ACCSL: variants seen among roughly 807,000 people sequenced by gnomAD.
The protein encoded by ACCSL is 1-aminocyclopropane-1-carboxylate synthase homolog (inactive) like.
In ACCSL, 55 loss-of-function variants were observed where a neutral mutation model predicts 61.7. The ratio of observed to expected loss-of-function variants is 0.89; its 90% CI spans 0.72 to 1.12. The LOEUF (loss-of-function observed/expected upper bound fraction) is 1.12, where lower values mean the gene tolerates loss of function less well. ACCSL is among the 50% of genes most tolerant of loss of function. ACCSL has a pLI of 0.00. For missense variants in ACCSL, 632 were observed against 698.0 expected, an observed-to-expected ratio of 0.91 and a Z score of 1.07; for synonymous variants, 258 against 264.3, an observed-to-expected ratio of 0.98 and a Z score of 0.23.
chr11:43,942,031 CGTGCGTGTGTGTGTGTGTGTGT>C, the ACCSL span, among the ~76,000 whole-genome samples: 6 of 114,544 alleles, frequency 5.2e-5, no homozygotes, highest in South Asian at 3.0e-4. Context: ...TGTTTGCATT[CGTGCGTGTGTGTGTGTGTGTGT>C]GTGTGTGTGT....
the ACCSL span, among the ~76,000 whole-genome samples, chr11:43,968,608 G>C: frequency 6.6e-6 from 1 of 152,118 alleles, no homozygotes; most frequent in Non-Finnish European, 1.5e-5. Flanking sequence ...ACTTCAGCTT[G>C]AGATGTTTTA....
At chr11:43,955,988 G>GT in the ACCSL span, among the ~76,000 whole-genome samples, 172 of 150,856 alleles carry the variant, frequency 1.1e-3, 2 homozygotes, top group African/African-American at 3.8e-3. Flanking sequence ...ATTTAAAGGA[G>GT]TTTAATTGAG....
chr11:44,014,833 G>GA, the ACCSL span, among the ~76,000 whole-genome samples: 1 of 152,194 alleles, frequency 6.6e-6, no homozygotes, highest in Non-Finnish European at 1.5e-5. Context: ...CCTGGTGAGA[G>GA]AAAAAGGTAT....
the ACCSL span, among the ~76,000 whole-genome samples, chr11:44,041,462 T>C: frequency 6.6e-6 from 1 of 152,242 alleles, no homozygotes; most frequent in Non-Finnish European, 1.5e-5. Context: ...GTCCTTATAT[T>C]TGAACCTCTA....
At chr11:44,029,904 C>T in the ACCSL span, among the ~76,000 whole-genome samples, 1 of 150,772 alleles carries the variant, frequency 6.6e-6, no homozygotes, top group Non-Finnish European at 1.5e-5. Flanking sequence ...ACATGAGGTT[C>T]TTGGAAGTGA....
At chr11:43,926,548 G>A in the ACCSL span, 1 of 453,476 alleles carries the variant, frequency 2.2e-6, no homozygotes, top group Non-Finnish European at 4.4e-6. Context: ...GTCAGATGCG[G>A]TGAGGGATAC....
chr11:44,006,741 G>A, the ACCSL span, among the ~76,000 whole-genome samples: 1 of 152,040 alleles, frequency 6.6e-6, no homozygotes, highest in East Asian at 1.9e-4. Flanking sequence ...CTGACCTCAA[G>A]TGATCTGCCT....
At chr11:43,955,610 T>G in the ACCSL span, among the ~76,000 whole-genome samples, 18 of 151,888 alleles carry the variant, frequency 1.2e-4, no homozygotes, top group African/African-American at 4.1e-4. Flanking sequence ...ACAGGACTGG[T>G]GGGTGGGGTT....
At chr11:43,930,084 G>A in the ACCSL span, among the ~76,000 whole-genome samples, 29 of 152,300 alleles carry the variant, frequency 1.9e-4, no homozygotes, top group African/African-American at 6.7e-4. Context: ...TCCCGAGAGT[G>A]TCTGTCCCAG....
upstream of ACCSL, among the ~76,000 whole-genome samples, chr11:44,044,849 G>A (rs939619980): frequency 6.6e-6 from 1 of 152,066 alleles, no homozygotes; most frequent in South Asian, 2.1e-4. Context: ...GCATCTACTG[G>A]GCTGATCCTG....
At chr11:44,016,083 A>T in the ACCSL span, among the ~76,000 whole-genome samples, 5 of 152,048 alleles carry the variant, frequency 3.3e-5, no homozygotes, top group African/African-American at 1.2e-4. Flanking sequence ...ATCCCTAAAC[A>T]CTTCTTCCAA....
the ACCSL span, among the ~76,000 whole-genome samples, chr11:43,985,795 C>CT: frequency 6.6e-6 from 1 of 152,258 alleles, no homozygotes; most frequent in South Asian, 2.1e-4. Flanking sequence ...TGGCTCACGC[C>CT]TGTACTTTGG....
chr11:44,023,125 C>A, the ACCSL span, among the ~76,000 whole-genome samples: 4 of 145,938 alleles, frequency 2.7e-5, no homozygotes, highest in South Asian at 8.8e-4. Flanking sequence ...TGGCTCACTG[C>A]AGCTCACTGC....
chr11:43,981,059 G>C, the ACCSL span, among the ~76,000 whole-genome samples: 2 of 152,098 alleles, frequency 1.3e-5, no homozygotes, highest in East Asian at 3.9e-4. Flanking sequence ...GTGATCTCAG[G>C]GAGCAGTAAG....
At chr11:43,925,180 G>A in the ACCSL span, 1 of 308,078 alleles carries the variant, frequency 3.2e-6, no homozygotes, top group South Asian at 2.8e-5. Flanking sequence ...TGGGAGGAGG[G>A]GTGCAGAGAG....
upstream of ACCSL, chr11:44,047,835 C>G (rs1226255108): frequency 1.6e-6 from 1 of 626,494 alleles, no homozygotes; most frequent in Non-Finnish European, 2.7e-6. Context: ...ACTCATTGCC[C>G]TAAAGAGTAG....
the ACCSL span, among the ~76,000 whole-genome samples, chr11:43,924,414 G>C: frequency 6.6e-6 from 1 of 152,220 alleles, no homozygotes; most frequent in Non-Finnish European, 1.5e-5. Flanking sequence ...GAGCCCCAGC[G>C]GGAGCTCACC....
chr11:43,983,043 C>G, the ACCSL span, among the ~76,000 whole-genome samples: 3 of 152,168 alleles, frequency 2.0e-5, no homozygotes, highest in African/African-American at 4.8e-5. Flanking sequence ...GGGCAGCTCT[C>G]TCTGTCTGGG....
At chr11:44,003,535 C>T in the ACCSL span, among the ~76,000 whole-genome samples, 13,647 of 151,212 alleles carry the variant, frequency 0.09, 745 homozygotes, top group East Asian at 0.31. Flanking sequence ...TGCCTGTAAT[C>T]GGGAGGCTGA....
Sources: gnomAD v4.1 joint callset for allele counts (sites outside exome capture counted in the v4.1 genomes callset) on GRCh38, gnomAD v4.1.1 for gene constraint, MANE v1.5 for transcripts, NCBI Gene and HGNC (gene_info 2026-07-23, HGNC 2026-07-21) for gene names.